The following ERAP1 variants were observed in gnomAD, a reference collection of about 807,000 sequenced individuals.
ERAP1 encodes endoplasmic reticulum aminopeptidase 1, also known as adipocyte-derived leucine aminopeptidase.
In ERAP1, 86 loss-of-function variants were observed where a neutral mutation model predicts 103.7. The observed-to-expected ratio is 0.83, with a 90% CI of 0.70 to 0.99. The LOEUF (loss-of-function observed/expected upper bound fraction) is 0.99, where lower values mean the gene tolerates loss of function less well. Ranked by LOEUF, ERAP1 falls within the 50% of genes least tolerant of loss-of-function variation. The pLI is 0.00. For missense variants in ERAP1, 1,009 were observed against 1,128.4 expected, an observed-to-expected ratio of 0.89 and a Z score of 1.52; for synonymous variants, 398 against 402.4, an observed-to-expected ratio of 0.99 and a Z score of 0.13.
At chr5:96,897,539 C>CT in the ERAP1 span, among the ~76,000 whole-genome samples, 2 of 106,926 alleles carry the variant, frequency 1.9e-5, no homozygotes, top group Non-Finnish European at 3.9e-5. Context: ...AAAATTGTGT[C>CT]TATTCTTTTT....
intron 19 of ERAP1, chr5:96,768,376 G>A (rs1359281070): frequency 1.7e-5 from 8 of 457,708 alleles, no homozygotes; most frequent in African/African-American, 1.0e-4. Context: ...GAGCCACTGC[G>A]CCTGGCCCTT....
At chr5:96,767,878 A>C (rs1770577816) in intron 19 of ERAP1, 1 of 1,468,502 alleles carries the variant, frequency 6.8e-7, no homozygotes, top group Non-Finnish European at 9.5e-7. Flanking sequence ...CTGCTTCTTC[A>C]CTGATGGTTA....
the ERAP1 span, among the ~76,000 whole-genome samples, chr5:96,882,952 A>C: frequency 9.9e-5 from 15 of 152,176 alleles, no homozygotes; most frequent in Non-Finnish European, 2.9e-5. Flanking sequence ...TGAAGCTTAA[A>C]GTCCAAAGAG....
intron 3 of ERAP1, 43 bp downstream of exon 3, chr5:96,800,819 C>A: frequency 1.2e-6 from 2 of 1,609,828 alleles, no homozygotes; most frequent in Non-Finnish European, 1.7e-6. Context: ...CACAGAGAAT[C>A]AGTAGATTTT....
chr5:96,818,367 G>A, the ERAP1 span, among the ~76,000 whole-genome samples: 3 of 151,362 alleles, frequency 2.0e-5, no homozygotes, highest in Admixed American at 2.0e-4. Flanking sequence ...CAAGGGCAAA[G>A]CCAGTCCAAG....
the ERAP1 span, among the ~76,000 whole-genome samples, chr5:96,899,334 T>C: frequency 0.58 from 88,610 of 152,014 alleles, 26,090 homozygotes; most frequent in South Asian, 0.71. Context: ...TGACCAACTC[T>C]CTTCTGACAC....
At chr5:96,893,371 A>C in the ERAP1 span, among the ~76,000 whole-genome samples, 1 of 152,160 alleles carries the variant, frequency 6.6e-6, no homozygotes, top group East Asian at 1.9e-4. Context: ...CACAATAATG[A>C]GCTGTTGTTC....
chr5:96,892,596 A>G, the ERAP1 span: 2 of 867,210 alleles, frequency 2.3e-6, no homozygotes, highest in South Asian at 1.7e-5. Context: ...CACAACGTCA[A>G]GTAGCACAGT....
chr5:96,913,252 G>A, the ERAP1 span: 2 of 1,285,282 alleles, frequency 1.6e-6, no homozygotes, highest in Non-Finnish European at 2.2e-6. Context: ...TATATTGGTG[G>A]CTTGAGTTAA....
chr5:96,796,233 A>C (rs907534639), intron 4 of ERAP1, among the ~76,000 whole-genome samples: 10 of 152,248 alleles, frequency 6.6e-5, no homozygotes, highest in African/African-American at 2.4e-4. Flanking sequence ...GCACAAACAC[A>C]TAAGGTATCT....
rs1202262313 is a variant in ERAP1, at chr5:96,767,404, C to T, written c.2819-4176G>A. 4 of 1,575,116 alleles carry T rather than the reference C, an allele frequency of 2.5e-6. No individual in the cohort carries two copies. The African/African-American group carries it at 4.1e-5, about 16-fold the overall frequency. ...AACCTAAGTAAACCTTTACAGATAT[C>T]TATGCTTAACCAATAGTCTGCCTTC... On this transcript the variant is annotated intron_variant, in intron 19 of 19. Coordinates refer to the ERAP1 transcript ENST00000296754.
chr5:96,895,597 C>G, the ERAP1 span, among the ~76,000 whole-genome samples: 3 of 152,148 alleles, frequency 2.0e-5, no homozygotes, highest in African/African-American at 7.2e-5. Context: ...CAAACTAATA[C>G]AAATGTAGAA....
chr5:96,907,288 T>C, the ERAP1 span, among the ~76,000 whole-genome samples: 1 of 152,140 alleles, frequency 6.6e-6, no homozygotes, highest in Non-Finnish European at 1.5e-5. Context: ...TCAGTAACTA[T>C]ATAAAAAGAA....
the ERAP1 span, among the ~76,000 whole-genome samples, chr5:96,933,501 AT>A: frequency 6.6e-6 from 1 of 152,166 alleles, no homozygotes; most frequent in African/African-American, 2.4e-5. Context: ...CAAAGAAATC[AT>A]TTGTCTCTTT....
At chr5:96,924,025 G>A in the ERAP1 span, among the ~76,000 whole-genome samples, 1 of 152,306 alleles carries the variant, frequency 6.6e-6, no homozygotes, top group South Asian at 2.1e-4. Flanking sequence ...ACTTACTCAA[G>A]GATGTTACAC....
intron 19 of ERAP1, among the ~76,000 whole-genome samples, chr5:96,764,829 G>A (rs908723966): frequency 6.6e-6 from 1 of 152,082 alleles, no homozygotes; most frequent in Non-Finnish European, 1.5e-5. Flanking sequence ...GTTTTCTAAT[G>A]GTGTTTAATT....
At chr5:96,895,173 T>A in the ERAP1 span, 1 of 826,030 alleles carries the variant, frequency 1.2e-6, no homozygotes, top group African/African-American at 2.3e-5. Flanking sequence ...AGTTAGTAAC[T>A]ATTGTATTTT....
the ERAP1 span, chr5:96,886,742 GT>G: frequency 1.3e-3 from 1,936 of 1,538,388 alleles, 4 homozygotes; most frequent in Non-Finnish European, 1.5e-3. Context: ...AGCCTACATA[GT>G]TTGTGATTTC....
At chr5:96,865,262 T>A in the ERAP1 span, among the ~76,000 whole-genome samples, 4 of 152,176 alleles carry the variant, frequency 2.6e-5, no homozygotes, top group African/African-American at 7.2e-5. Flanking sequence ...CTGCAACTTA[T>A]AGAAAAAATG....
Sources: allele counts gnomAD v4.1 joint callset (sites outside exome capture counted in the v4.1 genomes callset), GRCh38; gene constraint gnomAD v4.1.1; transcripts MANE v1.5; gene names NCBI Gene and HGNC (gene_info 2026-07-23, HGNC 2026-07-21).